CCSER1: variants seen among roughly 807,000 people sequenced by gnomAD.
CCSER1 encodes the protein serine-rich coiled-coil domain-containing protein 1.
CCSER1 carries 41 observed loss-of-function variants against 82.0 expected under a neutral mutation model. The observed-to-expected ratio is 0.50, with a 90% CI of 0.39 to 0.65. The LOEUF is 0.65. Ranked by LOEUF, CCSER1 falls within the 30% of genes least tolerant of loss-of-function variation. The pLI is 0.00. For missense variants in CCSER1, 1,119 were observed against 1,064.2 expected, an observed-to-expected ratio of 1.05 and a Z score of -0.72; for synonymous variants, 414 against 383.9, an observed-to-expected ratio of 1.08 and a Z score of -0.92.
intron 1 of CCSER1, among the ~76,000 whole-genome samples, chr4:90,128,496 T>TGTGTGC (rs1553934296): frequency 2.4e-5 from 2 of 82,942 alleles, no homozygotes; most frequent in South Asian, 4.1e-4. Flanking sequence ...GTTGTGTGCG[T>TGTGTGC]GTGTGTGTGT....
At chr4:90,970,757 T>G (rs1735026624) in intron 9 of CCSER1, among the ~76,000 whole-genome samples, 1 of 151,912 alleles carries the variant, frequency 6.6e-6, no homozygotes, top group Admixed American at 6.6e-5. Context: ...ACAATGGTAT[T>G]AAACTAGAAA....
intron 1 of CCSER1, among the ~76,000 whole-genome samples, chr4:90,207,206 T>C (rs1283079651): frequency 1.3e-5 from 2 of 152,092 alleles, no homozygotes; most frequent in Non-Finnish European, 2.9e-5. Flanking sequence ...AATATTGTTA[T>C]GTGTGATCTG....
chr4:91,260,291 C>T (rs1671271262), intron 10 of CCSER1, among the ~76,000 whole-genome samples: 2 of 152,150 alleles, frequency 1.3e-5, no homozygotes, highest in Admixed American at 6.5e-5. Flanking sequence ...TCCCATACAC[C>T]ACTTCCCCAA....
intron 7 of CCSER1, among the ~76,000 whole-genome samples, chr4:90,736,011 T>G (rs538385533): frequency 6.6e-6 from 1 of 152,260 alleles, no homozygotes; most frequent in South Asian, 2.1e-4. Context: ...ATTTGTACAG[T>G]TTCCAAAATT....
chr4:91,257,476 C>CACAG (rs1740784248), intron 10 of CCSER1, among the ~76,000 whole-genome samples: 1 of 91,896 alleles, frequency 1.1e-5, no homozygotes. Context: ...CATACCTACA[C>CACAG]ACACACACAC....
chr4:91,557,612 G>A (rs1294314835), intron 10 of CCSER1, among the ~76,000 whole-genome samples: 2 of 151,456 alleles, frequency 1.3e-5, no homozygotes, highest in Non-Finnish European at 3.0e-5. Flanking sequence ...GGATATTAGA[G>A]AAACTTACTG....
At chr4:91,194,732 C>T (rs1735269032) in intron 10 of CCSER1, among the ~76,000 whole-genome samples, 1 of 152,058 alleles carries the variant, frequency 6.6e-6, no homozygotes, top group African/African-American at 2.4e-5. Context: ...TGCAAATGGA[C>T]TACAGTTTCA....
At chr4:90,872,836 C>T (rs907970735) in intron 8 of CCSER1, among the ~76,000 whole-genome samples, 1 of 151,806 alleles carries the variant, frequency 6.6e-6, no homozygotes, top group Non-Finnish European at 1.5e-5. Context: ...TTTTGTTTGT[C>T]TGGGAAAGAC....
chr4:90,201,993 A>C (rs561229128), intron 1 of CCSER1, among the ~76,000 whole-genome samples: 64 of 152,292 alleles, frequency 4.2e-4, no homozygotes, highest in Admixed American at 3.3e-4. Context: ...GTTATTCTTA[A>C]TATTTTTTCC....
intron 9 of CCSER1, among the ~76,000 whole-genome samples, chr4:90,969,375 A>T (rs1288367279): frequency 6.6e-6 from 1 of 152,042 alleles, no homozygotes; most frequent in South Asian, 2.1e-4. Flanking sequence ...TGAAAAGTAA[A>T]GGACAAAGAA....
intron 10 of CCSER1, among the ~76,000 whole-genome samples, chr4:91,148,333 C>G (rs575782782): frequency 6.6e-6 from 1 of 151,970 alleles, no homozygotes; most frequent in Non-Finnish European, 1.5e-5. Flanking sequence ...AGATATACCA[C>G]GCAGAGTTTT....
chr4:90,599,449 A>T (rs1342521966), intron 5 of CCSER1, among the ~76,000 whole-genome samples: 2 of 152,078 alleles, frequency 1.3e-5, no homozygotes, highest in African/African-American at 4.8e-5. Context: ...CTCTCCAGCC[A>T]TGTGTAACTG....
At chr4:90,570,899 G>C (rs924842006) in intron 5 of CCSER1, among the ~76,000 whole-genome samples, 2 of 151,684 alleles carry the variant, frequency 1.3e-5, no homozygotes, top group African/African-American at 4.9e-5. Context: ...CCCACCACAG[G>C]AACCTGTCTA....
intron 9 of CCSER1, among the ~76,000 whole-genome samples, chr4:90,943,442 T>C (rs1465661418): frequency 1.3e-5 from 2 of 152,212 alleles, no homozygotes; most frequent in Non-Finnish European, 2.9e-5. Flanking sequence ...TCCTGAAAAG[T>C]AATGACTAAC....
chr4:91,058,770 AATAG>A, intron 9 of CCSER1, among the ~76,000 whole-genome samples: 1 of 152,190 alleles, frequency 6.6e-6, no homozygotes, highest in Admixed American at 6.6e-5. Flanking sequence ...TTTTTTATGT[AATAG>A]ATAAGAAAAC....
chr4:90,625,047 C>T (rs1024570685), intron 5 of CCSER1, among the ~76,000 whole-genome samples: 4 of 152,236 alleles, frequency 2.6e-5, no homozygotes, highest in Middle Eastern at 6.8e-3. Flanking sequence ...ATATAAAGCA[C>T]ATTTGTTCAA....
At chr4:90,968,894 G>A (rs1313636441) in intron 9 of CCSER1, among the ~76,000 whole-genome samples, 1 of 151,646 alleles carries the variant, frequency 6.6e-6, no homozygotes, top group East Asian at 1.9e-4. Flanking sequence ...GGAAGCTCAA[G>A]ATGCTACAGA....
chr4:90,701,642 A>G (rs113323516), intron 6 of CCSER1, among the ~76,000 whole-genome samples: 21,841 of 152,018 alleles, frequency 0.14, 2,352 homozygotes, highest in African/African-American at 0.3. Flanking sequence ...CCGTTTGTTT[A>G]TGTCCTCTTT....
rs145290193 is a variant in CCSER1, at chr4:90,357,358, A to AT, written c.1510-42671dup. ...TTGGTAAGGTCAGTCTTTTTGCGTG[A>AT]TTTTTTTATACTTGATTTCCCGTGT... On this transcript the variant is annotated intron_variant, in intron 3 of 10. Coordinates refer to ENST00000509176, the MANE Select transcript of CCSER1 (RefSeq NM_001145065.2). Among the ~76,000 whole-genome samples, 657 of 151,880 alleles carry AT rather than the reference A, an allele frequency of 4.3e-3. 2 individuals carry two copies. The highest frequency in any genetic ancestry group is 0.037 in the Middle Eastern group (11 of 294).
Sources: gnomAD v4.1 joint callset for allele counts (sites outside exome capture counted in the v4.1 genomes callset) on GRCh38, gnomAD v4.1.1 for gene constraint, MANE v1.5 for transcripts, NCBI Gene and HGNC (gene_info 2026-07-23, HGNC 2026-07-21) for gene names.